UTP4: variants seen among roughly 807,000 people sequenced by gnomAD.
UTP4 encodes U3 small nucleolar RNA-associated protein 4 homolog.
In UTP4, 45 loss-of-function variants were observed where a neutral mutation model predicts 82.4. That is an observed-to-expected ratio of 0.55 (90% CI 0.43 to 0.70). The LOEUF (loss-of-function observed/expected upper bound fraction) is 0.70. Among genes scored for constraint, UTP4 ranks in the 30% least tolerant of loss-of-function variants. The probability of loss-of-function intolerance (pLI) is 0.00; values close to 1 mark genes in which losing one functional copy is unlikely to be tolerated. For missense variants in UTP4, 819 were observed against 858.3 expected (o/e 0.95, Z 0.57); for synonymous variants, 348 against 300.3 (o/e 1.16, Z -1.64).
At chr16:69,143,460 G>A in intron 6 of UTP4, 71 bp downstream of exon 6, 1 of 1,330,174 alleles carries the variant, frequency 7.5e-7, no homozygotes, top group Non-Finnish European at 1.1e-6. Flanking sequence ...CAGCCTTAGT[G>A]ACGTGCCATG....
intron 6 of UTP4, among the ~76,000 whole-genome samples, chr16:69,147,586 T>G (rs1196027481): frequency 6.6e-6 from 1 of 152,154 alleles, no homozygotes; most frequent in Non-Finnish European, 1.5e-5. Context: ...CTGATCTGGT[T>G]GTGCTTGGAA....
intron 2 of UTP4, among the ~76,000 whole-genome samples, chr16:69,135,565 A>T (rs1413925066): frequency 6.6e-6 from 1 of 152,058 alleles, no homozygotes; most frequent in Non-Finnish European, 1.5e-5. Flanking sequence ...TAAATAAATA[A>T]ATTAGATAGG....
Position 69,163,100 on chromosome 16 carries a change from T to G in UTP4, c.1569T>G (p.Pro523=). ...VKQLKLHCTV[P]AYNFPVTAMA... Reference sequence around the variant, plus strand: ...GTTCCCAGCTTCACTGCACGGTGCCTGCTTACAATTTCCCAGTGACTGCTA... The same window carrying G: ...GTTCCCAGCTTCACTGCACGGTGCCGGCTTACAATTTCCCAGTGACTGCTA... Residue 523 remains proline (P), a synonymous_variant, in exon 14 of 17, where the codon CCT becomes CCG. Transcript: ENST00000314423. 1 of 1,614,098 alleles carries G rather than the reference T, an allele frequency of 6.2e-7. No homozygotes were observed. Among genetic ancestry groups the G allele is most frequent in the Non-Finnish European group, 8.5e-7 (1 of 1,179,936 alleles).
intron 5 of UTP4, among the ~76,000 whole-genome samples, chr16:69,140,652 A>G (rs1388740925): frequency 1.3e-5 from 2 of 152,038 alleles, no homozygotes; most frequent in Non-Finnish European, 2.9e-5. Context: ...CCAGCCTGAC[A>G]ACAAGAGTGA....
intron 6 of UTP4, among the ~76,000 whole-genome samples, chr16:69,144,293 C>T (rs921150959): frequency 6.6e-6 from 1 of 151,956 alleles, no homozygotes; most frequent in African/African-American, 2.4e-5. Context: ...CCTCTGCCTC[C>T]AGGGAGCAAT....
intron 10 of UTP4, among the ~76,000 whole-genome samples, chr16:69,155,508 A>G (rs918452900): frequency 8.5e-5 from 13 of 152,234 alleles, no homozygotes; most frequent in Non-Finnish European, 1.6e-4. Context: ...TCTTTAAAGC[A>G]GAACGCCGTA....
Position 69,165,326 on chromosome 16 carries a change from C to A in UTP4, c.1648-15C>A. Reference sequence around the variant, plus strand: ...AGTACCAGCCTGCATTTCTCTATGTCATGTCCTCCCTCAGGTATTTGAGTA... The same window carrying A: ...AGTACCAGCCTGCATTTCTCTATGTAATGTCCTCCCTCAGGTATTTGAGTA... On this transcript the variant is annotated splice_polypyrimidine_tract_variant and intron_variant, in intron 14 of 16. Transcript: ENST00000314423. The A allele has an allele frequency of 6.2e-7, 1 of 1,613,174 alleles. No individual in the cohort carries two copies. Among genetic ancestry groups the A allele is most frequent in the Non-Finnish European group, 8.5e-7 (1 of 1,179,228 alleles).
rs888126288 is a variant in UTP4, at chr16:69,168,998, G to T, written c.*61G>T. ...TACCCTGTTGCTTTTCACAAATCAT[G>T]GTAATAAAACAAGTTATTCTTGAGG... On this transcript the variant is annotated 3_prime_UTR_variant, in exon 17 of 17. Coordinates refer to ENST00000314423, the MANE Select transcript of UTP4 (RefSeq NM_032830.3). The T allele has an allele frequency of 7.8e-6, 8 of 1,020,454 alleles. No homozygotes were observed. The highest frequency in any genetic ancestry group is 6.8e-5 in the Admixed American group (4 of 59,202). 63.2% of individuals were successfully genotyped at this position (1,020,454 alleles called of 1,614,324 possible).
intron 12 of UTP4, among the ~76,000 whole-genome samples, chr16:69,157,950 ATTT>A (rs1433646143): frequency 6.8e-6 from 1 of 147,300 alleles, no homozygotes; most frequent in Non-Finnish European, 1.5e-5. Flanking sequence ...GTTCCTGAGA[ATTT>A]TTCTGTTTTC....
intron 11 of UTP4, 106 bp downstream of exon 11, chr16:69,156,099 A>G (rs1249503158): frequency 1.1e-5 from 13 of 1,183,840 alleles, no homozygotes; most frequent in South Asian, 1.0e-4. Context: ...TCAGTTAAAA[A>G]CTATTTGGAG....
intron 11 of UTP4, 136 bp from the exon 12 acceptor site, chr16:69,156,948 C>T (rs1013617793): frequency 2.5e-6 from 2 of 812,402 alleles, no homozygotes; most frequent in Non-Finnish European, 4.2e-6. Flanking sequence ...TGGAGAGAAA[C>T]CAGTGTTCTG....
At chr16:69,141,804 A>G (rs943285975) in intron 5 of UTP4, among the ~76,000 whole-genome samples, 1 of 151,148 alleles carries the variant, frequency 6.6e-6, no homozygotes, top group Non-Finnish European at 1.5e-5. Context: ...GTTTCATTAT[A>G]CAGAAACTCT....
At chr16:69,157,978 TA>T (rs948423587) in intron 12 of UTP4, among the ~76,000 whole-genome samples, 1 of 151,262 alleles carries the variant, frequency 6.6e-6, no homozygotes, top group Non-Finnish European at 1.5e-5. Flanking sequence ...AGAATGTGAG[TA>T]TTAATGAATG....
chr16:69,160,890 C>A (rs1398154936), intron 13 of UTP4, among the ~76,000 whole-genome samples: 1 of 152,154 alleles, frequency 6.6e-6, no homozygotes, highest in African/African-American at 2.4e-5. Flanking sequence ...GCCACCGCGC[C>A]TGGCCAGACT....
In UTP4 at chr16:69,160,897, G is replaced by T. The variant is rs549602695; in HGVS notation, c.1551+435G>T. 7.9e-5 allele frequency among the ~76,000 whole-genome samples: 12 copies of T among 152,162 alleles called. No homozygotes were observed. In the South Asian group the frequency reaches 2.5e-3, roughly 32 times the overall value. On this transcript the variant is annotated intron_variant, in intron 13 of 16. Transcript: ENST00000314423. Reference sequence around the variant, plus strand: ...AGGCATGAGCCACCGCGCCTGGCCAGACTTTTTTCTTTTTAACTAATAATT... The same window carrying T: ...AGGCATGAGCCACCGCGCCTGGCCATACTTTTTTCTTTTTAACTAATAATT...
At chr16:69,149,557 T>TACAA (rs537512021) in intron 6 of UTP4, among the ~76,000 whole-genome samples, 4 of 151,450 alleles carry the variant, frequency 2.6e-5, no homozygotes, top group African/African-American at 9.7e-5. Context: ...TCTCAAAAAA[T>TACAA]ACAAACAAAC....
chr16:69,161,034 A>C (rs1231015853), intron 13 of UTP4, among the ~76,000 whole-genome samples: 2 of 152,220 alleles, frequency 1.3e-5, no homozygotes, highest in Non-Finnish European at 2.9e-5. Context: ...GAAATTTGAA[A>C]TTAATGATCT....
At chr16:69,162,209 C>T (rs924071827) in intron 13 of UTP4, among the ~76,000 whole-genome samples, 72 of 150,596 alleles carry the variant, frequency 4.8e-4, no homozygotes, top group African/African-American at 1.5e-3. Context: ...CCTCGTGATC[C>T]GCCTGCCTTG....
At chr16:69,132,860 CCG>C in intron 1 of UTP4, 171 bp downstream of exon 1, 1 of 194,654 alleles carries the variant, frequency 5.1e-6, no homozygotes, top group Admixed American at 6.0e-5. Context: ...GAGGCGAAGA[CCG>C]CGCGCGCCTC....
Sources: gnomAD v4.1 joint callset for allele counts (sites outside exome capture counted in the v4.1 genomes callset) on GRCh38, gnomAD v4.1.1 for gene constraint, MANE v1.5 for transcripts, NCBI Gene and HGNC (gene_info 2026-07-23, HGNC 2026-07-21) for gene names.